Variants in CEP170 observed in about 807,000 individuals in gnomAD.
The protein encoded by CEP170 is centrosomal protein 170, also known as centrosomal protein of 170 kDa.
CEP170 carries 21 observed loss-of-function variants against 151.9 expected under a neutral mutation model. The ratio of observed to expected loss-of-function variants is 0.14; its 90% CI spans 0.10 to 0.20. The LOEUF is 0.20. Ranked by LOEUF, CEP170 falls within the 10% of genes least tolerant of loss-of-function variation. CEP170 has a pLI of 1.00. For missense variants in CEP170, 964 were observed against 1,892.9 expected, an observed-to-expected ratio of 0.51 and a Z score of 9.11; for synonymous variants, 356 against 648.8, an observed-to-expected ratio of 0.55 and a Z score of 6.86.
chr1:243,246,235 T>A (rs898574169), intron 1 of CEP170, among the ~76,000 whole-genome samples: 55 of 145,484 alleles, frequency 3.8e-4, no homozygotes, highest in Non-Finnish European at 7.2e-4. Flanking sequence ...ACTTTTTTTT[T>A]TTTTTTTTTT....
Position 243,129,857 on chromosome 1 carries a change from G to GGA in CEP170, c.4320-406_4320-405dup, listed in dbSNP as rs141463612. ...TAACTATTACAGTATTTTGGGAGAG[G>GGA]GAGAGAGAGAGAGAGAAAAAAAAAG... On this transcript the variant is annotated intron_variant, in intron 17 of 19. Coordinates refer to ENST00000366542, the MANE Select transcript of CEP170 (RefSeq NM_014812.3). Among the ~76,000 whole-genome samples the GGA allele has an allele frequency of 2.7e-4, 41 of 150,876 alleles. No homozygotes were observed. In the South Asian group the frequency reaches 6.1e-3, roughly 22 times the overall value.
At chr1:243,223,168 A>G (rs1053875320) in intron 2 of CEP170, among the ~76,000 whole-genome samples, 1 of 152,220 alleles carries the variant, frequency 6.6e-6, no homozygotes, top group Non-Finnish European at 1.5e-5. Flanking sequence ...TGTTAAGAGA[A>G]GTGAGATTTC....
chr1:243,250,153 T>G (rs1397252674), intron 1 of CEP170, among the ~76,000 whole-genome samples: 1 of 152,264 alleles, frequency 6.6e-6, no homozygotes, highest in Non-Finnish European at 1.5e-5. Flanking sequence ...TCATTATTTT[T>G]GTGTCACCTT....
At chr1:243,140,685 C>T (rs2055732254) in intron 15 of CEP170, 1 of 152,142 alleles carries the variant, frequency 6.6e-6, no homozygotes, top group African/African-American at 2.4e-5. Context: ...TGATATACTG[C>T]CATCTATAGT....
chr1:243,148,330 G>C (rs1374173926), intron 14 of CEP170, among the ~76,000 whole-genome samples: 1 of 152,050 alleles, frequency 6.6e-6, no homozygotes, highest in Non-Finnish European at 1.5e-5. Context: ...TAGCACTTTG[G>C]GAGGCCGAGG....
At chr1:243,241,306 T>C (rs780319021) in intron 1 of CEP170, among the ~76,000 whole-genome samples, 1 of 152,220 alleles carries the variant, frequency 6.6e-6, no homozygotes, top group Non-Finnish European at 1.5e-5. Flanking sequence ...AACCAGACAC[T>C]AGCAATTTAA....
In CEP170 at chr1:243,126,055, T is replaced by C. The variant is rs2053667675; in HGVS notation, c.*394A>G. 6.6e-6 allele frequency: 3 copies of C among 457,196 alleles called. No homozygotes were observed. The highest frequency in any genetic ancestry group is 4.4e-6 in the Non-Finnish European group (1 of 228,046). 28.3% of individuals were successfully genotyped at this position (457,196 alleles called of 1,614,324 possible). ...AAATCTGTACAGATGAAGAAGTCCA[T>C]TTCAGGGAGCAGCTTGGCACAGGAG... is the stretch of plus-strand genomic sequence containing the variant. On this transcript the variant is annotated 3_prime_UTR_variant, in exon 20 of 20. Coordinates refer to ENST00000366542, the MANE Select transcript of CEP170 (RefSeq NM_014812.3).
intron 1 of CEP170, among the ~76,000 whole-genome samples, chr1:243,233,494 G>A (rs2063949961): frequency 6.6e-6 from 1 of 151,980 alleles, no homozygotes; most frequent in Non-Finnish European, 1.5e-5. Flanking sequence ...AGCACTTTGG[G>A]AGGCCGAGGC....
chr1:243,147,031 C>T (rs923366264), intron 14 of CEP170, among the ~76,000 whole-genome samples: 16 of 151,716 alleles, frequency 1.1e-4, no homozygotes, highest in African/African-American at 3.9e-4. Context: ...TCATTGGCTA[C>T]GAAGCATGAA....
chr1:243,234,361 T>G (rs1387132210), intron 1 of CEP170, among the ~76,000 whole-genome samples: 1 of 152,226 alleles, frequency 6.6e-6, no homozygotes, highest in Non-Finnish European at 1.5e-5. Context: ...ATATTCTCCA[T>G]GGGGTTGGCC....
chr1:243,171,377 A>G (rs1418779508), intron 11 of CEP170, among the ~76,000 whole-genome samples: 1 of 152,214 alleles, frequency 6.6e-6, no homozygotes, highest in Non-Finnish European at 1.5e-5. Context: ...AGGTCTATTT[A>G]CCTGTATGTA....
At chr1:243,153,316 A>T (rs1255212165) in intron 14 of CEP170, among the ~76,000 whole-genome samples, 1 of 152,216 alleles carries the variant, frequency 6.6e-6, no homozygotes, top group Non-Finnish European at 1.5e-5. Context: ...TCAGAATATT[A>T]CATAAACTCA....
At chr1:243,134,000 C>T (rs1029995736) in intron 17 of CEP170, among the ~76,000 whole-genome samples, 1 of 151,892 alleles carries the variant, frequency 6.6e-6, no homozygotes, top group Non-Finnish European at 1.5e-5. Context: ...CAATTTATAC[C>T]TGAAATTAAT....
At chr1:243,227,362 G>A (rs2063384344) in intron 1 of CEP170, among the ~76,000 whole-genome samples, 1 of 152,088 alleles carries the variant, frequency 6.6e-6, no homozygotes. Context: ...GTGTCTCTCA[G>A]TCATTTGTTT....
chr1:243,135,662 G>A (rs1263693662), intron 17 of CEP170: 3 of 152,390 alleles, frequency 2.0e-5, no homozygotes, highest in Admixed American at 2.0e-4. Flanking sequence ...TTCGTTTACA[G>A]TAACTTAAAA....
At chr1:243,204,291 C>A (rs937340869) in intron 4 of CEP170, among the ~76,000 whole-genome samples, 1 of 152,092 alleles carries the variant, frequency 6.6e-6, no homozygotes, top group African/African-American at 2.4e-5. Flanking sequence ...TGACAGCCTA[C>A]CAAACAGTGG....
In CEP170 at chr1:243,200,617, A is replaced by G. The variant is rs1345153806; in HGVS notation, c.397T>C (p.Ser133Pro). The G allele has an allele frequency of 6.4e-7, 1 of 1,559,262 alleles. No individual in the cohort carries two copies. Among genetic ancestry groups the G allele is most frequent in the African/African-American group, 1.4e-5 (1 of 72,972 alleles). ...GAATCTATGCTTTTGGCACTTGCAG[A>G]TTTGGATAATTCTGATTCTGAAGAT... ...QKSSESELSK[S>P]ASAKSIDSKV... Residue 133 changes from serine (S) to proline (P), a missense_variant, in exon 6 of 20, where the codon TCT (serine) becomes CCT (proline). Physicochemically the swap from Ser to Pro is moderately conservative, Grantham distance 74. Transcript: ENST00000366542.
At chr1:243,174,772 TAAC>T (rs1452673003) in intron 10 of CEP170, among the ~76,000 whole-genome samples, 1 of 152,168 alleles carries the variant, frequency 6.6e-6, no homozygotes, top group East Asian at 1.9e-4. Context: ...TCGTTTTGCT[TAAC>T]ATTAGCGTTA....
chr1:243,232,295 G>C lies in CEP170; in HGVS notation c.-41-6974C>G, dbSNP rs2063834009. ...TGTCTCTTCTAATACTGTAGTACTT[G>C]TTCTTGAAAGCAGACTAGACATAAT... On this transcript the variant is annotated intron_variant, in intron 1 of 19. Coordinates refer to ENST00000366542, the MANE Select transcript of CEP170 (RefSeq NM_014812.3). Among the ~76,000 whole-genome samples, 3 of 152,164 alleles carry C rather than the reference G, an allele frequency of 2.0e-5. 1 individual carries two copies. The South Asian group carries it at 6.2e-4, about 32-fold the overall frequency.
Sources: allele counts gnomAD v4.1 joint callset (sites outside exome capture counted in the v4.1 genomes callset), GRCh38; gene constraint gnomAD v4.1.1; transcripts MANE v1.5; gene names NCBI Gene and HGNC (gene_info 2026-07-23, HGNC 2026-07-21).